Variants in HIBADH observed in about 807,000 individuals in gnomAD.
HIBADH encodes 3-hydroxyisobutyrate dehydrogenase, mitochondrial.
A neutral mutation model predicts 36.1 loss-of-function variants in HIBADH; 25 were observed. The observed-to-expected ratio is 0.69, with a 90% CI of 0.50 to 0.97. The LOEUF (loss-of-function observed/expected upper bound fraction) is 0.97, where lower values mean the gene tolerates loss of function less well. Among genes scored for constraint, HIBADH ranks in the 50% least tolerant of loss-of-function variants. The pLI is 0.00. For synonymous variants in HIBADH, 160 were observed against 149.5 expected (o/e 1.07, Z -0.51); for missense variants, 421 against 418.0 (o/e 1.01, Z -0.06).
chr7:27,656,465 T>TA (rs1013224847), intron 1 of HIBADH, among the ~76,000 whole-genome samples: 10 of 151,982 alleles, frequency 6.6e-5, no homozygotes, highest in African/African-American at 1.2e-4. Flanking sequence ...TGCAAATGTT[T>TA]AAAAAAAGGT....
At chr7:27,597,455 AAAAAC>A (rs1785049866) in intron 4 of HIBADH, among the ~76,000 whole-genome samples, 1 of 152,108 alleles carries the variant, frequency 6.6e-6, no homozygotes, top group Non-Finnish European at 1.5e-5. Flanking sequence ...GTAAAAAAAA[AAAAAC>A]AATCATGATG....
At chr7:27,558,090 C>A (rs1320350766) in intron 4 of HIBADH, among the ~76,000 whole-genome samples, 1 of 152,054 alleles carries the variant, frequency 6.6e-6, no homozygotes, top group African/African-American at 2.4e-5. Flanking sequence ...TCATCCATAT[C>A]TGTGTGCAAT....
At chr7:27,642,090 G>A (rs1583615457) in intron 2 of HIBADH, among the ~76,000 whole-genome samples, 1 of 152,106 alleles carries the variant, frequency 6.6e-6, no homozygotes, top group Admixed American at 6.5e-5. Context: ...GAGGAGCACC[G>A]ACCCAGAACC....
intron 4 of HIBADH, among the ~76,000 whole-genome samples, chr7:27,622,131 G>A (rs1562648017): frequency 6.6e-6 from 1 of 152,266 alleles, no homozygotes; most frequent in East Asian, 1.9e-4. Context: ...TGTAGTCCCA[G>A]CTATTCGAGA....
rs536803620 is a variant in HIBADH at position 27,548,794 on chromosome 7, G to C, written c.485-5694C>G. On this transcript the variant is annotated intron_variant, in intron 4 of 7. Transcript: ENST00000265395. ...GCCAAAAGGTAGCATCACATACCAA[G>C]TGTCAGATGAATGAGGGCAATCGCC... 1.3e-4 allele frequency among the ~76,000 whole-genome samples: 20 copies of C among 152,274 alleles called. No homozygotes were observed. In the East Asian group the frequency reaches 2.5e-3, roughly 19 times the overall value.
chr7:27,549,656 CT>C (rs1221793925), intron 4 of HIBADH, among the ~76,000 whole-genome samples: 1 of 151,998 alleles, frequency 6.6e-6, no homozygotes, highest in Admixed American at 6.6e-5. Flanking sequence ...AAATAGTGAC[CT>C]TTTTTCCCAA....
At chr7:27,595,579 GGTGT>G (rs3219776) in intron 4 of HIBADH, among the ~76,000 whole-genome samples, 28,773 of 143,100 alleles carry the variant, frequency 0.2, 3,105 homozygotes, top group Non-Finnish European at 0.27. Flanking sequence ...CATAAGGGCA[GGTGT>G]GTGTGTGTGT....
At chr7:27,551,558 C>A (rs1784320256) in intron 4 of HIBADH, among the ~76,000 whole-genome samples, 1 of 151,940 alleles carries the variant, frequency 6.6e-6, no homozygotes, top group Non-Finnish European at 1.5e-5. Flanking sequence ...AAAAGCTGAC[C>A]CAAAGAATTA....
intron 4 of HIBADH, among the ~76,000 whole-genome samples, chr7:27,565,814 T>C (rs530551563): frequency 2.0e-5 from 3 of 152,238 alleles, no homozygotes; most frequent in African/African-American, 4.8e-5. Flanking sequence ...TTTTAGGAAG[T>C]TCCCTTCTAT....
intron 2 of HIBADH, among the ~76,000 whole-genome samples, chr7:27,633,350 C>T (rs1429212817): frequency 6.6e-6 from 1 of 152,156 alleles, no homozygotes; most frequent in East Asian, 1.9e-4. Context: ...TTCCTTGACT[C>T]AAACTCTCCT....
chr7:27,635,064 CTCTT>C (rs1341876355), intron 2 of HIBADH, among the ~76,000 whole-genome samples: 12 of 141,278 alleles, frequency 8.5e-5, no homozygotes, highest in African/African-American at 3.0e-4. Context: ...CACACTCTCT[CTCTT>C]TCTCTCTCTC....
At chr7:27,634,541 T>C (rs1252227917) in intron 2 of HIBADH, among the ~76,000 whole-genome samples, 3 of 152,194 alleles carry the variant, frequency 2.0e-5, no homozygotes, top group African/African-American at 7.2e-5. Flanking sequence ...ATACCAAATA[T>C]ATGTTACTTA....
chr7:27,534,271 G>A lies in HIBADH; in HGVS notation c.696-2923C>T, dbSNP rs146587298. Among the ~76,000 whole-genome samples, 28 of 152,238 alleles carry A rather than the reference G, an allele frequency of 1.8e-4. No homozygotes were observed. In the East Asian group the frequency reaches 2.9e-3, roughly 16 times the overall value. On this transcript the variant is annotated intron_variant, in intron 6 of 7. Coordinates refer to ENST00000265395, the MANE Select transcript of HIBADH (RefSeq NM_152740.4). ...AGTAATCTATACTGTCTGGTTTCAC[G>A]TAAGAACGAAATAAATTATGTCACT...
At chr7:27,629,336 TAAATAGGTTTGC>T (rs1304727196) in intron 4 of HIBADH, 23 bp downstream of exon 4, 1 of 1,596,150 alleles carries the variant, frequency 6.3e-7, no homozygotes, top group Non-Finnish European at 8.5e-7. Context: ...TTGACAAACA[TAAATAGGTTTGC>T]ATATATTTTA....
At chr7:27,627,998 AAATC>A (rs1785679088) in intron 4 of HIBADH, among the ~76,000 whole-genome samples, 3 of 152,182 alleles carry the variant, frequency 2.0e-5, no homozygotes, top group Non-Finnish European at 2.9e-5. Flanking sequence ...AGACCAAAGA[AAATC>A]AATCAATGGC....
At chr7:27,634,445 A>G (rs1188059315) in intron 2 of HIBADH, among the ~76,000 whole-genome samples, 1 of 152,170 alleles carries the variant, frequency 6.6e-6, no homozygotes, top group East Asian at 1.9e-4. Flanking sequence ...TTCCTGGCAA[A>G]CAGTTCAAGT....
Position 27,655,237 on chromosome 7 carries a change from T to C in HIBADH, c.92-5604A>G, listed in dbSNP as rs12531947. The stretch of plus-strand genomic sequence containing the variant: ...AAAAAAAAGCTAGCCTTTAAGAAAA[T>C]AATGAAATTTTGAATGCAAATTGTA... On this transcript the variant is annotated intron_variant, in intron 1 of 7. Transcript: ENST00000265395. Among the ~76,000 whole-genome samples, 1,462 of 152,178 alleles carry C rather than the reference T, an allele frequency of 9.6e-3. 83 individuals carry two copies. Among genetic ancestry groups the C allele is most frequent in the Admixed American group, 0.088 (1,350 of 15,288 alleles).
intron 1 of HIBADH, among the ~76,000 whole-genome samples, chr7:27,658,553 A>C (rs1397699234): frequency 2.0e-5 from 3 of 152,208 alleles, no homozygotes; most frequent in Non-Finnish European, 4.4e-5. Context: ...AAATGCAAAA[A>C]TTGGTAACAA....
intron 1 of HIBADH, among the ~76,000 whole-genome samples, chr7:27,653,858 C>T (rs1786246364): frequency 6.6e-6 from 1 of 152,114 alleles, no homozygotes; most frequent in Non-Finnish European, 1.5e-5. Flanking sequence ...AATAAAATCA[C>T]CAGATGAGTA....
Sources: gnomAD v4.1 joint callset for allele counts (sites outside exome capture counted in the v4.1 genomes callset) on GRCh38, gnomAD v4.1.1 for gene constraint, MANE v1.5 for transcripts, NCBI Gene and HGNC (gene_info 2026-07-23, HGNC 2026-07-21) for gene names.